Variants in MRPS25 observed in about 807,000 individuals in gnomAD.
MRPS25 encodes mitochondrial ribosomal protein S25, also known as small ribosomal subunit protein mS25.
In MRPS25, 15 loss-of-function variants were observed where a neutral mutation model predicts 17.3. That is an observed-to-expected ratio of 0.87 (90% CI 0.58 to 1.34). The LOEUF is 1.34. Ranked by LOEUF, MRPS25 falls within the 40% of genes most tolerant of loss-of-function variation. The probability of loss-of-function intolerance (pLI) is 0.00; values close to 1 mark genes in which losing one functional copy is unlikely to be tolerated. For missense variants in MRPS25, 225 were observed against 218.6 expected, an observed-to-expected ratio of 1.03 and a Z score of -0.19; for synonymous variants, 94 against 83.3, an observed-to-expected ratio of 1.13 and a Z score of -0.70.
chr3:15,058,287 T>C (rs2042699330), intron 2 of MRPS25, among the ~76,000 whole-genome samples: 1 of 152,072 alleles, frequency 6.6e-6, no homozygotes, highest in African/African-American at 2.4e-5. Flanking sequence ...CCTCCCAGGT[T>C]CACACCATTC....
At chr3:15,058,914 G>T (rs2042707637) in intron 2 of MRPS25, among the ~76,000 whole-genome samples, 1 of 151,980 alleles carries the variant, frequency 6.6e-6, no homozygotes, top group Non-Finnish European at 1.5e-5. Flanking sequence ...GTCCTCAGAG[G>T]ACACACACAG....
In MRPS25 at chr3:15,052,097, G is replaced by A; in HGVS notation, c.*344C>T. On this transcript the variant is annotated 3_prime_UTR_variant, in exon 4 of 4. Coordinates refer to ENST00000253686, the MANE Select transcript of MRPS25 (RefSeq NM_022497.5). ...TTCAAAGCCAGCGGAGACCAGTAAAGGGTCGCAGGACCAAAACAGGTGTCA... is the reference window on the plus strand; with the variant it reads ...TTCAAAGCCAGCGGAGACCAGTAAAAGGTCGCAGGACCAAAACAGGTGTCA... 1 of 1,039,918 alleles carries A rather than the reference G, an allele frequency of 9.6e-7. No homozygotes were observed. The highest frequency in any genetic ancestry group is 5.1e-5 in the Admixed American group (1 of 19,492). The allele number at this position is 1,039,918 out of a possible 1,614,324, so 64.4% of individuals were successfully genotyped here.
chr3:15,053,599 A>G lies in MRPS25; in HGVS notation c.242-132T>C. 3.1e-6 allele frequency: 3 copies of G among 961,792 alleles called. No individual in the cohort carries two copies. The South Asian group carries it at 4.2e-5, about 13-fold the overall frequency. The allele number at this position is 961,792 out of a possible 1,614,324, so 59.6% of individuals were successfully genotyped here. On this transcript the variant is annotated intron_variant, in intron 2 of 3. Coordinates refer to ENST00000253686, the MANE Select transcript of MRPS25 (RefSeq NM_022497.5). ...ATAAAATAGATATACTTGTTTACATAATCTGTAATACTACCCTTCCTTTTT... is the reference window on the plus strand; with the variant it reads ...ATAAAATAGATATACTTGTTTACATGATCTGTAATACTACCCTTCCTTTTT...
intron 2 of MRPS25, 130 bp from the exon 3 acceptor site, chr3:15,053,597 A>G (rs1327253833): frequency 1.0e-6 from 1 of 958,424 alleles, no homozygotes; most frequent in Admixed American, 2.0e-5. Flanking sequence ...ACTTGTTTAC[A>G]TAATCTGTAA....
At position 15,049,829 on chromosome 3, in the gene MRPS25, A is replaced by T; in HGVS notation, c.*2612T>A. 9.1e-7 allele frequency: 1 copy of T among 1,102,038 alleles called. No individual in the cohort carries two copies. Among genetic ancestry groups the T allele is most frequent in the Admixed American group, 2.1e-5 (1 of 47,252 alleles). 68.3% of individuals were successfully genotyped at this position (1,102,038 alleles called of 1,614,324 possible). On this transcript the variant is annotated 3_prime_UTR_variant, in exon 4 of 4. Transcript: ENST00000253686. ...GAATGCAGTGGTACAGTCATGGCTC[A>T]CTCCAGCCTCAACCTCCTGGGCTCA...
At position 15,054,292 on chromosome 3, in the gene MRPS25, T is replaced by C. The variant is rs371120194; in HGVS notation, c.242-825A>G. Among the ~76,000 whole-genome samples, 7 of 152,194 alleles carry C rather than the reference T, an allele frequency of 4.6e-5. No individual in the cohort carries two copies. The East Asian group carries it at 7.7e-4, about 17-fold the overall frequency. On this transcript the variant is annotated intron_variant, in intron 2 of 3. Coordinates refer to ENST00000253686, the MANE Select transcript of MRPS25 (RefSeq NM_022497.5). The stretch of plus-strand genomic sequence containing the variant: ...AACCCTTATTTGTAAGGTCAATTGC[T>C]TTTCAGCAAAGATACCAAGATAATT...
chr3:15,050,539 GCC>G lies in MRPS25; in HGVS notation c.*1900_*1901del. ...AGGTGCTTTCTGAAGAGCCCTTGCA[GCC>G]AAGTAGAACGCCCAGGCAGGTGGTA... On this transcript the variant is annotated 3_prime_UTR_variant, in exon 4 of 4. Coordinates refer to ENST00000253686, the MANE Select transcript of MRPS25 (RefSeq NM_022497.5). 1 of 985,552 alleles carries G rather than the reference GCC, an allele frequency of 1.0e-6. No individual in the cohort carries two copies. The highest frequency in any genetic ancestry group is 1.2e-6 in the Non-Finnish European group (1 of 830,086). The allele number at this position is 985,552 out of a possible 1,614,324, so 61.1% of individuals were successfully genotyped here.
At chr3:15,053,548 C>G (rs761226004) in intron 2 of MRPS25, 81 bp from the exon 3 acceptor site, 2 of 1,449,152 alleles carry the variant, frequency 1.4e-6, no homozygotes, top group Non-Finnish European at 1.9e-6. Context: ...TTGGGACTTG[C>G]TTTTAGTGGC....
Position 15,049,976 on chromosome 3 carries a change from G to A in MRPS25, c.*2465C>T, listed in dbSNP as rs773832705. On this transcript the variant is annotated 3_prime_UTR_variant, in exon 4 of 4. Transcript: ENST00000253686. ...AGTGGTCACTTCAGAATAAGGCTGT[G>A]AACACTGCTTGTGCAAGTAAAATTA... The A allele has an allele frequency of 6.7e-6, 10 of 1,493,922 alleles. No homozygotes were observed. Among genetic ancestry groups the A allele is most frequent in the Non-Finnish European group, 1.8e-6 (2 of 1,134,550 alleles). The allele number at this position is 1,493,922 out of a possible 1,614,324, so 92.5% of individuals were successfully genotyped here. A position where few individuals can be genotyped will look rare whatever the true frequency, so the allele number is the denominator to read the frequency against.
At chr3:15,048,087 C>A (rs1364234749), downstream of MRPS25, 3 of 152,632 alleles carry the variant, frequency 2.0e-5, no homozygotes, top group African/African-American at 7.2e-5. Context: ...TCACATAATC[C>A]ACAGTTTCCT....
At chr3:15,042,715 G>C, downstream of MRPS25, 1 of 812,380 alleles carries the variant, frequency 1.2e-6, no homozygotes, top group Non-Finnish European at 2.0e-6. Flanking sequence ...GAGGTGGGTG[G>C]ATGGTGGATC....
chr3:15,050,000 TAAG>T lies in MRPS25; in HGVS notation c.*2438_*2440del, dbSNP rs1174003563. On this transcript the variant is annotated 3_prime_UTR_variant, in exon 4 of 4. Transcript: ENST00000253686. Reference sequence around the variant, plus strand: ...TGAACACTGCTTGTGCAAGTAAAATTAAGAACATGTTATCAATTATAAAATCCT... The same window carrying T: ...TGAACACTGCTTGTGCAAGTAAAATTAACATGTTATCAATTATAAAATCCT... 10 of 1,469,262 alleles carry T rather than the reference TAAG, an allele frequency of 6.8e-6. No homozygotes were observed. Among genetic ancestry groups the T allele is most frequent in the Admixed American group, 6.1e-5 (2 of 32,786 alleles). 91.0% of individuals were successfully genotyped at this position (1,469,262 alleles called of 1,614,324 possible).
downstream of MRPS25, chr3:15,042,814 A>G (rs755256664): frequency 3.1e-6 from 5 of 1,609,106 alleles, no homozygotes; most frequent in South Asian, 4.4e-5. Flanking sequence ...CTCCTTTTCT[A>G]ATGACACTCC....
downstream of MRPS25, chr3:15,044,896 C>T (rs573617874): frequency 6.6e-6 from 1 of 152,362 alleles, no homozygotes; most frequent in Admixed American, 6.5e-5. Context: ...ACAGTGTTTC[C>T]AACTTCTAAA....
chr3:15,045,655 G>C (rs919407721), downstream of MRPS25: 2 of 152,656 alleles, frequency 1.3e-5, no homozygotes, highest in African/African-American at 2.4e-5. Context: ...CTCCTGTCAG[G>C]TTGGTTAAGT....
chr3:15,065,086 G>C lies in MRPS25; in HGVS notation c.109C>G (p.His37Asp), dbSNP rs1415227673. ...VKVMTVNYNT[H>D]GELGEGARKF... is the part of the protein sequence containing the mutation. ...CTGGCGCCCTCGCCCAGCTCCCCATGCGTGTTGTAATTCACTGTCATGACC... is the reference window on the plus strand; with the variant it reads ...CTGGCGCCCTCGCCCAGCTCCCCATCCGTGTTGTAATTCACTGTCATGACC... Residue 37 changes from histidine to aspartate, a missense_variant, in exon 1 of 4, where the codon CAT becomes GAT. Coordinates refer to ENST00000253686, the MANE Select transcript of MRPS25 (RefSeq NM_022497.5). The C allele has an allele frequency of 3.1e-6, 5 of 1,604,390 alleles. No homozygotes were observed. Among genetic ancestry groups the C allele is most frequent in the Non-Finnish European group, 4.3e-6 (5 of 1,176,194 alleles).
At chr3:15,058,967 T>C (rs1439500041) in intron 2 of MRPS25, among the ~76,000 whole-genome samples, 1 of 150,862 alleles carries the variant, frequency 6.6e-6, no homozygotes, top group Non-Finnish European at 1.5e-5. Flanking sequence ...GAGGTCACTC[T>C]AGGATGCAGG....
intron 2 of MRPS25, among the ~76,000 whole-genome samples, chr3:15,058,407 A>G (rs2042700849): frequency 6.6e-6 from 1 of 151,392 alleles, no homozygotes; most frequent in Non-Finnish European, 1.5e-5. Context: ...GCCAGGATGG[A>G]CTCGATCTCC....
intron 1 of MRPS25, among the ~76,000 whole-genome samples, chr3:15,063,376 C>G (rs992582212): frequency 6.6e-6 from 1 of 152,160 alleles, no homozygotes; most frequent in Non-Finnish European, 1.5e-5. Flanking sequence ...CAGCAGGTAC[C>G]CAAAGACTGG....
Sources: allele counts gnomAD v4.1 joint callset (sites outside exome capture counted in the v4.1 genomes callset), GRCh38; gene constraint gnomAD v4.1.1; transcripts MANE v1.5; gene names NCBI Gene and HGNC (gene_info 2026-07-23, HGNC 2026-07-21).